The following GTF2A1 variants were observed in gnomAD, a reference collection of about 807,000 sequenced individuals.
GTF2A1 encodes the protein general transcription factor IIA subunit 1, also known as transcription initiation factor IIA subunit 1.
GTF2A1 carries 12 observed loss-of-function variants against 54.1 expected under a neutral mutation model. That is an observed-to-expected ratio of 0.22 (90% CI 0.14 to 0.36). The LOEUF (loss-of-function observed/expected upper bound fraction) is 0.36. Among genes scored for constraint, GTF2A1 ranks in the 10% least tolerant of loss-of-function variants. The pLI is 1.00. For synonymous variants in GTF2A1, 145 were observed against 152.0 expected (o/e 0.95, Z 0.34); for missense variants, 335 against 442.2 (o/e 0.76, Z 2.17).
intron 2 of GTF2A1, among the ~76,000 whole-genome samples, chr14:81,210,116 T>C (rs1319123646): frequency 7.1e-6 from 1 of 141,564 alleles, no homozygotes; most frequent in African/African-American, 2.5e-5. Context: ...CCTCATGAAA[T>C]GTTGAACATG....
At chr14:81,213,825 G>A (rs1030808215) in intron 2 of GTF2A1, among the ~76,000 whole-genome samples, 20 of 150,776 alleles carry the variant, frequency 1.3e-4, no homozygotes, top group Admixed American at 4.6e-4. Context: ...CCTCACACAG[G>A]AAATATTTTT....
chr14:81,197,580 A>T (rs1893018213), intron 4 of GTF2A1, 96 bp from the exon 5 acceptor site: 2 of 665,636 alleles, frequency 3.0e-6, no homozygotes, highest in Non-Finnish European at 5.0e-6. Context: ...TTTTGTTTAG[A>T]ATATACCAAA....
At chr14:81,205,655 C>G (rs1383544829) in intron 2 of GTF2A1, among the ~76,000 whole-genome samples, 1 of 152,176 alleles carries the variant, frequency 6.6e-6, no homozygotes, top group African/African-American at 2.4e-5. Flanking sequence ...TTTATGTAAC[C>G]TGATCATTTA....
At chr14:81,194,588 T>C (rs774696452) in intron 6 of GTF2A1, among the ~76,000 whole-genome samples, 8 of 152,226 alleles carry the variant, frequency 5.3e-5, no homozygotes, top group Non-Finnish European at 1.0e-4. Flanking sequence ...GACAGACACA[T>C]AAACATATAA....
At chr14:81,205,837 C>T (rs1187392621) in intron 2 of GTF2A1, among the ~76,000 whole-genome samples, 1 of 152,184 alleles carries the variant, frequency 6.6e-6, no homozygotes, top group Non-Finnish European at 1.5e-5. Context: ...TCTGATTCAT[C>T]TCTGTAAAGT....
At chr14:81,217,259 T>A (rs1335217074) in intron 1 of GTF2A1, among the ~76,000 whole-genome samples, 2 of 152,116 alleles carry the variant, frequency 1.3e-5, no homozygotes, top group Non-Finnish European at 2.9e-5. Flanking sequence ...GTAAAATGAG[T>A]AAAATGAGAA....
At chr14:81,195,897 T>C (rs559897618) in intron 6 of GTF2A1, among the ~76,000 whole-genome samples, 3 of 152,118 alleles carry the variant, frequency 2.0e-5, no homozygotes, top group Non-Finnish European at 4.4e-5. Flanking sequence ...GAGGGGATGA[T>C]GAAGGATGGG....
At chr14:81,203,088 T>C (rs1893149388) in intron 3 of GTF2A1, among the ~76,000 whole-genome samples, 1 of 152,200 alleles carries the variant, frequency 6.6e-6, no homozygotes, top group South Asian at 2.1e-4. Flanking sequence ...CTCAGGAAGT[T>C]TTATAACTGA....
chr14:81,210,821 C>A (rs1196419505), intron 2 of GTF2A1, among the ~76,000 whole-genome samples: 1 of 152,120 alleles, frequency 6.6e-6, no homozygotes, highest in East Asian at 1.9e-4. Context: ...TCCCAAAGTG[C>A]TGGAATTACA....
chr14:81,219,026 A>G (rs1246787121), intron 1 of GTF2A1, among the ~76,000 whole-genome samples: 1 of 151,980 alleles, frequency 6.6e-6, no homozygotes, highest in Non-Finnish European at 1.5e-5. Flanking sequence ...TGCAGCTAAC[A>G]TTTTCCATGT....
At chr14:81,185,221 A>G (rs1165923312) in intron 8 of GTF2A1, among the ~76,000 whole-genome samples, 1 of 152,208 alleles carries the variant, frequency 6.6e-6, no homozygotes, top group East Asian at 1.9e-4. Context: ...TGAGTTAGCT[A>G]TTACCACAAA....
chr14:81,189,483 A>C (rs373628070), intron 7 of GTF2A1, among the ~76,000 whole-genome samples: 1 of 152,142 alleles, frequency 6.6e-6, no homozygotes, highest in Non-Finnish European at 1.5e-5. Context: ...CATCCTGGCT[A>C]ACACAGCGAA....
rs574797628 is a variant in GTF2A1, at chr14:81,201,885, C to T, written c.338-227G>A. 1.2e-4 allele frequency among the ~76,000 whole-genome samples: 18 copies of T among 152,220 alleles called. 1 individual carries two copies. In the South Asian group the frequency reaches 2.9e-3, roughly 25 times the overall value. The stretch of plus-strand genomic sequence containing the variant: ...ACATTAAAAAATATTTAAGCCCAGG[C>T]GTGGTGGCTCACACCTGTAATTACA... On this transcript the variant is annotated intron_variant, in intron 3 of 8. Coordinates refer to ENST00000553612, the MANE Select transcript of GTF2A1 (RefSeq NM_015859.4).
intron 4 of GTF2A1, among the ~76,000 whole-genome samples, chr14:81,198,654 C>T (rs1893040688): frequency 6.6e-6 from 1 of 152,136 alleles, no homozygotes; most frequent in African/African-American, 2.4e-5. Context: ...GCTATAGCTA[C>T]ACATTTTGGT....
intron 2 of GTF2A1, among the ~76,000 whole-genome samples, chr14:81,204,988 A>G (rs553189802): frequency 1.5e-5 from 2 of 137,126 alleles, no homozygotes; most frequent in African/African-American, 5.4e-5. Context: ...TTCTGTACAC[A>G]AGGATCTACA....
At chr14:81,207,296 T>G (rs1893258645) in intron 2 of GTF2A1, among the ~76,000 whole-genome samples, 1 of 152,112 alleles carries the variant, frequency 6.6e-6, no homozygotes, top group South Asian at 2.1e-4. Context: ...TGGGGGCCGG[T>G]CTTTCCCACG....
chr14:81,213,864 A>G (rs980438122), intron 2 of GTF2A1, among the ~76,000 whole-genome samples: 1 of 147,742 alleles, frequency 6.8e-6, no homozygotes, highest in Non-Finnish European at 1.5e-5. Context: ...TTTTTTTGAG[A>G]CAGAGTCTTG....
chr14:81,213,727 T>C (rs1893424359), intron 2 of GTF2A1, among the ~76,000 whole-genome samples: 1 of 152,230 alleles, frequency 6.6e-6, no homozygotes, highest in African/African-American at 2.4e-5. Context: ...TATTTTTAGA[T>C]ACCTACTCTT....
chr14:81,218,300 T>C (rs1245539244), intron 1 of GTF2A1, among the ~76,000 whole-genome samples: 1 of 152,218 alleles, frequency 6.6e-6, no homozygotes, highest in African/African-American at 2.4e-5. Flanking sequence ...CTTCTAGTAC[T>C]CTCAACTTAA....
Sources: allele counts gnomAD v4.1 joint callset (sites outside exome capture counted in the v4.1 genomes callset), GRCh38; gene constraint gnomAD v4.1.1; transcripts MANE v1.5; gene names NCBI Gene and HGNC (gene_info 2026-07-23, HGNC 2026-07-21).